The following NRXN1 variants were observed in gnomAD, a reference collection of about 807,000 sequenced individuals.
NRXN1 encodes the protein neurexin-1.
In NRXN1, 39 loss-of-function variants were observed where a neutral mutation model predicts 150.9. The ratio of observed to expected loss-of-function variants is 0.26; its 90% confidence interval spans 0.20 to 0.34. The LOEUF (loss-of-function observed/expected upper bound fraction) is 0.34. Among genes scored for constraint, NRXN1 ranks in the 10% least tolerant of loss-of-function variants. The pLI, the probability that NRXN1 is intolerant of heterozygous loss-of-function variation, is 1.00. For missense variants in NRXN1, 1,815 were observed against 1,949.9 expected (o/e 0.93, Z 1.30); for synonymous variants, 924 against 757.0 (o/e 1.22, Z -3.62).
At chr2:50,724,991 A>G (rs1697155588) in intron 5 of NRXN1, among the ~76,000 whole-genome samples, 1 of 152,166 alleles carries the variant, frequency 6.6e-6, no homozygotes, top group Non-Finnish European at 1.5e-5. Flanking sequence ...AATAGTGAGC[A>G]AAAAAGTCAA....
intron 22 of NRXN1, among the ~76,000 whole-genome samples, chr2:49,933,179 C>T (rs773542795): frequency 2.0e-5 from 3 of 152,044 alleles, no homozygotes; most frequent in Non-Finnish European, 4.4e-5. Flanking sequence ...CTCTGCCTCC[C>T]AGATTCACGC....
chr2:50,165,780 A>C (rs2059643924), intron 18 of NRXN1, among the ~76,000 whole-genome samples: 1 of 152,206 alleles, frequency 6.6e-6, no homozygotes, highest in Non-Finnish European at 1.5e-5. Flanking sequence ...ATGATGTCAA[A>C]TGATTACACT....
intron 22 of NRXN1, among the ~76,000 whole-genome samples, chr2:49,936,034 G>A (rs933898554): frequency 2.0e-5 from 3 of 152,106 alleles, no homozygotes; most frequent in Admixed American, 1.3e-4. Context: ...ATGTGAAACC[G>A]ATTATTAATG....
intron 8 of NRXN1, among the ~76,000 whole-genome samples, chr2:50,577,150 A>G (rs2105497652): frequency 6.6e-6 from 1 of 152,238 alleles, no homozygotes; most frequent in South Asian, 2.1e-4. Context: ...GACGCTTCAC[A>G]TGCAGAAATC....
chr2:50,255,689 T>C (rs1157096874), intron 17 of NRXN1, among the ~76,000 whole-genome samples: 38 of 152,080 alleles, frequency 2.5e-4, no homozygotes, highest in Non-Finnish European at 1.5e-5. Flanking sequence ...AATTCCCAGT[T>C]CTAGGGTCAT....
At chr2:50,444,098 G>C (rs537251533) in intron 17 of NRXN1, among the ~76,000 whole-genome samples, 1 of 152,172 alleles carries the variant, frequency 6.6e-6, no homozygotes, top group East Asian at 1.9e-4. Flanking sequence ...CTTTAAGTGT[G>C]CTTTATAAAT....
chr2:50,247,738 C>T (rs946923990), intron 17 of NRXN1, among the ~76,000 whole-genome samples: 4 of 152,040 alleles, frequency 2.6e-5, no homozygotes, highest in Admixed American at 6.6e-5. Context: ...TGATGAAATG[C>T]AAGATCCTGG....
intron 8 of NRXN1, among the ~76,000 whole-genome samples, chr2:50,569,189 A>C (rs1670296052): frequency 6.6e-6 from 1 of 152,142 alleles, no homozygotes; most frequent in Admixed American, 6.6e-5. Context: ...GGGAACAAAA[A>C]TATAATTAGA....
rs141236860 is a variant in NRXN1, at chr2:50,084,569, C to T, written c.3718+6754G>A. 2.9e-3 allele frequency among the ~76,000 whole-genome samples: 438 copies of T among 152,294 alleles called. 1 individual carries two copies. The highest frequency in any genetic ancestry group is 0.01 in the African/African-American group (418 of 41,572). On this transcript the variant is annotated intron_variant, in intron 19 of 22. Transcript: ENST00000401669. Reference sequence around the variant, plus strand: ...GGCCTGCAAGCGCCGCACGCAGCCCCGGTTCCCGCCCGTGCCTCTCCCTCC... The same window carrying T: ...GGCCTGCAAGCGCCGCACGCAGCCCTGGTTCCCGCCCGTGCCTCTCCCTCC...
At chr2:50,692,094 C>A (rs1692169539) in intron 5 of NRXN1, among the ~76,000 whole-genome samples, 1 of 151,492 alleles carries the variant, frequency 6.6e-6, no homozygotes, top group African/African-American at 2.4e-5. Context: ...CCGATTCTAT[C>A]TAATCCTTGC....
rs368913471 is a variant in NRXN1 at position 50,740,397 on chromosome 2, T to C, written c.833-116782A>G. Reference sequence around the variant, plus strand: ...ATGAGGATGCAATGAATGAAACTACTGCACCCATTTTGTGATCACAGTGCG... The same window carrying C: ...ATGAGGATGCAATGAATGAAACTACCGCACCCATTTTGTGATCACAGTGCG... On this transcript the variant is annotated intron_variant, in intron 5 of 22. Coordinates refer to ENST00000401669, the MANE Select transcript of NRXN1 (RefSeq NM_001330078.2). Among the ~76,000 whole-genome samples the C allele has an allele frequency of 2.0e-5, 3 of 152,178 alleles. No individual in the cohort carries two copies. The South Asian group carries it at 6.2e-4, about 31-fold the overall frequency.
chr2:50,826,735 G>A (rs1670499555), intron 5 of NRXN1, among the ~76,000 whole-genome samples: 1 of 151,962 alleles, frequency 6.6e-6, no homozygotes, highest in African/African-American at 2.4e-5. Flanking sequence ...AGAAAATGGA[G>A]AATGGATAGC....
At chr2:50,519,352 T>C (rs2092717943) in intron 12 of NRXN1, among the ~76,000 whole-genome samples, 1 of 152,000 alleles carries the variant, frequency 6.6e-6, no homozygotes, top group Admixed American at 6.6e-5. Flanking sequence ...AATTCTATGA[T>C]TCTCTTTGAC....
At chr2:50,845,197 C>T (rs1397887642) in intron 5 of NRXN1, among the ~76,000 whole-genome samples, 2 of 152,048 alleles carry the variant, frequency 1.3e-5, no homozygotes, top group African/African-American at 4.8e-5. Flanking sequence ...AGGGAGAGTT[C>T]TCTATTTTGT....
At chr2:50,181,686 G>A (rs554168096) in intron 18 of NRXN1, among the ~76,000 whole-genome samples, 1 of 152,038 alleles carries the variant, frequency 6.6e-6, no homozygotes, top group Non-Finnish European at 1.5e-5. Context: ...TTCCACGGAT[G>A]AGTTTTACTT....
chr2:50,834,394 T>G (rs1038617631), intron 5 of NRXN1, among the ~76,000 whole-genome samples: 1 of 152,180 alleles, frequency 6.6e-6, no homozygotes, highest in African/African-American at 2.4e-5. Context: ...TTTTGAAGGA[T>G]GTGGTGCTCA....
At position 50,031,319 on chromosome 2, in the gene NRXN1, C is replaced by T. The variant is rs569985435; in HGVS notation, c.4128+21952G>A. Among the ~76,000 whole-genome samples, 5 of 152,032 alleles carry T rather than the reference C, an allele frequency of 3.3e-5. No individual in the cohort carries two copies. The South Asian group carries it at 1.0e-3, about 32-fold the overall frequency. ...GTTTTTTTAAAAACGTAACATCCTTCTAATCAAGCATGATTAGTTACAAAT... is the reference window on the plus strand; with the variant it reads ...GTTTTTTTAAAAACGTAACATCCTTTTAATCAAGCATGATTAGTTACAAAT... On this transcript the variant is annotated intron_variant, in intron 21 of 22. Coordinates refer to ENST00000401669, the MANE Select transcript of NRXN1 (RefSeq NM_001330078.2).
intron 22 of NRXN1, among the ~76,000 whole-genome samples, chr2:49,930,370 T>C (rs1225624384): frequency 6.6e-6 from 1 of 151,978 alleles, no homozygotes; most frequent in Non-Finnish European, 1.5e-5. Flanking sequence ...AGTAAATACC[T>C]CTAAAATACA....
intron 5 of NRXN1, among the ~76,000 whole-genome samples, chr2:50,712,688 C>A (rs1475419441): frequency 6.6e-6 from 1 of 152,184 alleles, no homozygotes; most frequent in African/African-American, 2.4e-5. Flanking sequence ...ATCATCATCT[C>A]AGCCCTTTAA....
Sources: allele counts gnomAD v4.1 joint callset (sites outside exome capture counted in the v4.1 genomes callset), GRCh38; gene constraint gnomAD v4.1.1; transcripts MANE v1.5; gene names NCBI Gene and HGNC (gene_info 2026-07-23, HGNC 2026-07-21).